The following GANC variants were observed in gnomAD, a reference collection of about 807,000 sequenced individuals.
GANC encodes the protein neutral alpha-glucosidase C.
Under a neutral mutation model 124.2 loss-of-function variants are expected in GANC, and 117 were observed. The ratio of observed to expected loss-of-function variants is 0.94; its 90% CI spans 0.81 to 1.10. The LOEUF (loss-of-function observed/expected upper bound fraction) is 1.10, where lower values mean the gene tolerates loss of function less well. Among genes scored for constraint, GANC ranks in the 50% least tolerant of loss-of-function variants. The pLI is 0.00. For synonymous variants in GANC, 377 were observed against 376.8 expected (o/e 1.00, Z -0.01); for missense variants, 1,140 against 1,095.0 (o/e 1.04, Z -0.58).
chr15:42,313,860 A>C (rs1477251428), intron 10 of GANC: 1 of 563,904 alleles, frequency 1.8e-6, no homozygotes, highest in African/African-American at 1.9e-5. Context: ...GAATTCAAGT[A>C]ATCCTCTGCC....
At chr15:42,276,272 G>C in intron 1 of GANC, 76 bp from the exon 2 acceptor site, 1 of 722,420 alleles carries the variant, frequency 1.4e-6, no homozygotes, top group East Asian at 2.6e-5. Flanking sequence ...TGTTCATACT[G>C]TCGTTAGAGA....
rs1291803533 is a variant in GANC at position 42,327,393 on chromosome 15, C to T, written c.1451C>T (p.Pro484Leu). The T allele has an allele frequency of 3.7e-6, 6 of 1,612,956 alleles. No homozygotes were observed. The Admixed American group carries it at 8.3e-5, about 22-fold the overall frequency. ...GLSSYLDFTN[P>L]KVREWYSSLF... The stretch of plus-strand genomic sequence containing the variant: ...TCCTCTTACCTGGATTTCACCAATC[C>T]CAAGGTCAGAGAGTGGTATTCAAGT... Residue 484 changes from proline to leucine, a missense_variant, in exon 13 of 24, where the codon CCC becomes CTC. By Grantham distance (98) the Pro-to-Leu change is moderately conservative. Coordinates refer to ENST00000318010, the MANE Select transcript of GANC (RefSeq NM_198141.3).
In GANC at chr15:42,292,751, G is replaced by A. The variant is rs575853888; in HGVS notation, c.346G>A (p.Gly116Arg). The A allele has an allele frequency of 6.2e-7, 1 of 1,613,604 alleles. No homozygotes were observed. Among genetic ancestry groups the A allele is most frequent in the Admixed American group, 1.7e-5 (1 of 59,976 alleles). Residue 116 changes from glycine (G) to arginine (R), a missense_variant, in exon 5 of 24, where the codon GGG becomes AGG. Physicochemically the swap from Gly to Arg is moderately radical, Grantham distance 125. Coordinates refer to ENST00000318010, the MANE Select transcript of GANC (RefSeq NM_198141.3). ...PSTVRLISCS[G>R]DTGSLILADG... ...GTTTTCTAGGCTGATTTCATGCTCT[G>A]GGGACACAGGCAGTCTGATATTGGC... is the stretch of plus-strand genomic sequence containing the variant.
Position 42,353,368 on chromosome 15 carries a change from C to T in GANC, c.*1229C>T, listed in dbSNP as rs1033895465. On this transcript the variant is annotated 3_prime_UTR_variant, in exon 24 of 24. Transcript: ENST00000318010. ...CATCCTTCCAGGCCCAACTTAAATC[C>T]CACTTTCCCATGAAGCCTAACTGCG... 5.0e-5 allele frequency: 49 copies of T among 985,616 alleles called. No individual in the cohort carries two copies. In the African/African-American group the frequency reaches 6.8e-4, roughly 14 times the overall value. The allele number at this position is 985,616 out of a possible 1,614,324, so 61.1% of individuals were successfully genotyped here.
chr15:42,324,986 G>C (rs1025328720), intron 11 of GANC, among the ~76,000 whole-genome samples: 1 of 152,030 alleles, frequency 6.6e-6, no homozygotes, highest in Non-Finnish European at 1.5e-5. Flanking sequence ...AATTAAGGCT[G>C]GGTGCGGTGG....
At position 42,330,653 on chromosome 15, in the gene GANC, T is replaced by C. The variant is rs188405050; in HGVS notation, c.1722T>C (p.Phe574=). 1 of 1,607,844 alleles carries C rather than the reference T, an allele frequency of 6.2e-7. No individual in the cohort carries two copies. The highest frequency in any genetic ancestry group is 2.2e-5 in the East Asian group (1 of 44,740). The change falls in exon 15 of 24, where the codon TTT becomes TTC. Residue 574 remains phenylalanine, a synonymous_variant. Transcript: ENST00000318010. The part of the protein sequence containing the change: ...ERPFVLTRSF[F]AGSQKYGAVW... ...CCTTTGTTCTTACACGTTCTTTCTT[T>C]GCTGGATCACAAAAGTATGGTAAGG...
chr15:42,301,018 CAAA>C (rs113404849), intron 6 of GANC, among the ~76,000 whole-genome samples: 1 of 140,102 alleles, frequency 7.1e-6, no homozygotes. Context: ...AACTCCATCT[CAAA>C]AAAAAAAAAA....
At chr15:42,277,654 G>T (rs938906788) in intron 2 of GANC, among the ~76,000 whole-genome samples, 1 of 151,580 alleles carries the variant, frequency 6.6e-6, no homozygotes, top group Non-Finnish European at 1.5e-5. Context: ...AGGCTGGAGT[G>T]CAGTGGCGCA....
Position 42,339,721 on chromosome 15 carries a change from G to C in GANC, c.1896G>C (p.Trp632Cys), listed in dbSNP as rs183247313. 1.1e-5 allele frequency: 17 copies of C among 1,614,118 alleles called. No homozygotes were observed. In the East Asian group the frequency reaches 3.8e-4, roughly 36 times the overall value. Residue 632 changes from tryptophan to cysteine, a missense_variant, in exon 17 of 24, where the codon TGG becomes TGC. Trp to Cys is a radical substitution (Grantham distance 215). Coordinates refer to ENST00000318010, the MANE Select transcript of GANC (RefSeq NM_198141.3). ...CAGAGACAGAGCTGCTAGTGCGTTG[G>C]TACCAGGCTGGAGCCTACCAGCCCT... ...GNPETELLVR[W>C]YQAGAYQPFF...
intron 5 of GANC, among the ~76,000 whole-genome samples, chr15:42,293,384 C>T (rs1277152469): frequency 1.3e-5 from 2 of 152,134 alleles, no homozygotes; most frequent in Non-Finnish European, 2.9e-5. Flanking sequence ...ATTCTTATTC[C>T]ATTCTTACGA....
chr15:42,341,948 C>A (rs143497623), intron 18 of GANC, among the ~76,000 whole-genome samples: 57 of 152,302 alleles, frequency 3.7e-4, no homozygotes, highest in African/African-American at 1.4e-3. Context: ...CCTGACCACT[C>A]CTGGTTTCCT....
intron 19 of GANC, chr15:42,343,433 G>A (rs985902858): frequency 5.3e-6 from 2 of 378,320 alleles, no homozygotes; most frequent in South Asian, 3.1e-5. Context: ...TAAACACACC[G>A]AGGCTTGGGG....
chr15:42,289,740 A>AT (rs2051823766), intron 4 of GANC, among the ~76,000 whole-genome samples: 1 of 152,166 alleles, frequency 6.6e-6, no homozygotes. Context: ...TACAGGCTGA[A>AT]TTGTGTTATC....
chr15:42,337,957 A>G (rs2052295927), intron 15 of GANC, among the ~76,000 whole-genome samples: 1 of 152,002 alleles, frequency 6.6e-6, no homozygotes, highest in Non-Finnish European at 1.5e-5. Flanking sequence ...GCTACTTGGG[A>G]GGCTGAGGCA....
intron 10 of GANC, chr15:42,314,860 A>C (rs566881909): frequency 6.6e-6 from 1 of 152,356 alleles, no homozygotes; most frequent in African/African-American, 2.4e-5. Context: ...ATTATGTTTA[A>C]TTTAAATAAA....
At chr15:42,283,477 A>G (rs932066067) in intron 3 of GANC, 3 of 608,340 alleles carry the variant, frequency 4.9e-6, no homozygotes, top group African/African-American at 1.8e-5. Context: ...AGGAAAATGT[A>G]TGCTGTCTTG....
At chr15:42,305,210 A>C (rs1380171550) in intron 6 of GANC, among the ~76,000 whole-genome samples, 1 of 152,222 alleles carries the variant, frequency 6.6e-6, no homozygotes, top group African/African-American at 2.4e-5. Context: ...CAATCTGTCC[A>C]TCTGATAAAG....
intron 20 of GANC, 103 bp from the exon 21 acceptor site, chr15:42,348,000 G>A (rs112730459): frequency 0.085 from 55,557 of 651,484 alleles, 2,836 homozygotes; most frequent in South Asian, 0.19. Flanking sequence ...CTACAAATCC[G>A]TACTTGTAGA....
At position 42,353,021 on chromosome 15, in the gene GANC, CAAAA is replaced by C; in HGVS notation, c.*887_*890del. Reference sequence around the variant, plus strand: ...ATATTTTTAAAAATCAGAATTAATGCAAAAAAAACCATGATGAACAAAATATTAA... The same window carrying C: ...ATATTTTTAAAAATCAGAATTAATGCAAAACCATGATGAACAAAATATTAA... On this transcript the variant is annotated 3_prime_UTR_variant, in exon 24 of 24. Coordinates refer to ENST00000318010, the MANE Select transcript of GANC (RefSeq NM_198141.3). The C allele has an allele frequency of 2.6e-6, 2 of 763,586 alleles. No individual in the cohort carries two copies. Among genetic ancestry groups the C allele is most frequent in the Non-Finnish European group, 3.2e-6 (2 of 628,222 alleles). 47.3% of individuals were successfully genotyped at this position (763,586 alleles called of 1,614,324 possible).
Sources: allele counts gnomAD v4.1 joint callset (sites outside exome capture counted in the v4.1 genomes callset), GRCh38; gene constraint gnomAD v4.1.1; transcripts MANE v1.5; gene names NCBI Gene and HGNC (gene_info 2026-07-23, HGNC 2026-07-21).